The following DSCAML1 variants were observed in gnomAD, a reference collection of about 807,000 sequenced individuals.
The protein encoded by DSCAML1 is cell adhesion molecule DSCAML1.
In DSCAML1, 38 loss-of-function variants were observed where a neutral mutation model predicts 200.5. The ratio of observed to expected loss-of-function variants is 0.19; its 90% CI spans 0.15 to 0.25. The LOEUF (loss-of-function observed/expected upper bound fraction) is 0.25. Among genes scored for constraint, DSCAML1 ranks in the 10% least tolerant of loss-of-function variants. The pLI, the probability that DSCAML1 is intolerant of heterozygous loss-of-function variation, is 1.00. For missense variants in DSCAML1, 2,223 were observed against 2,858.8 expected, an observed-to-expected ratio of 0.78 and a Z score of 5.07; for synonymous variants, 1,215 against 1,165.0, an observed-to-expected ratio of 1.04 and a Z score of -0.87.
rs79107759 is a variant in DSCAML1, at chr11:117,732,855, G to C, written c.511+43936C>G. On this transcript the variant is annotated intron_variant, in intron 3 of 32. Coordinates refer to ENST00000651296, the MANE Select transcript of DSCAML1 (RefSeq NM_020693.4). Reference sequence around the variant, plus strand: ...TATGCATGACTAACTCGGGAGGAGGGCCACACTTTCTTTTTCCAGATCCTA... The same window carrying C: ...TATGCATGACTAACTCGGGAGGAGGCCCACACTTTCTTTTTCCAGATCCTA... 2.6e-5 allele frequency among the ~76,000 whole-genome samples: 4 copies of C among 151,816 alleles called. No individual in the cohort carries two copies. In the South Asian group the frequency reaches 8.3e-4, roughly 32 times the overall value.
chr11:117,564,638 T>A (rs1333607510), intron 3 of DSCAML1, among the ~76,000 whole-genome samples: 2 of 152,026 alleles, frequency 1.3e-5, no homozygotes, highest in Non-Finnish European at 2.9e-5. Flanking sequence ...AACCTCTCTC[T>A]CTCTCTTTCT....
At chr11:117,577,437 T>TTTCGTTCG (rs1565801414) in intron 3 of DSCAML1, among the ~76,000 whole-genome samples, 1 of 73,844 alleles carries the variant, frequency 1.4e-5, no homozygotes. Flanking sequence ...TCCTTCCTTC[T>TTTCGTTCG]TTCCTTCCTT....
intron 3 of DSCAML1, among the ~76,000 whole-genome samples, chr11:117,542,356 A>AAC (rs1565777354): frequency 0.092 from 13,746 of 148,794 alleles, 774 homozygotes; most frequent in East Asian, 0.12. Context: ...ACAACAACAA[A>AAC]AAAAAAACAG....
At chr11:117,502,407 T>C (rs2049412740) in intron 11 of DSCAML1, among the ~76,000 whole-genome samples, 1 of 152,194 alleles carries the variant, frequency 6.6e-6, no homozygotes. Flanking sequence ...TTCCCCCGCC[T>C]CGCGCAGCCA....
At chr11:117,787,247 C>T (rs549743506) in intron 1 of DSCAML1, among the ~76,000 whole-genome samples, 3 of 152,098 alleles carry the variant, frequency 2.0e-5, no homozygotes, top group Non-Finnish European at 4.4e-5. Context: ...TATGGTTGGA[C>T]GAGTTAATAT....
At chr11:117,462,880 T>G (rs943261414) in intron 17 of DSCAML1, among the ~76,000 whole-genome samples, 1 of 152,216 alleles carries the variant, frequency 6.6e-6, no homozygotes, top group African/African-American at 2.4e-5. Flanking sequence ...CTGGAAACTT[T>G]CTTCTCCCCT....
chr11:117,794,844 T>C (rs553950282), intron 1 of DSCAML1, among the ~76,000 whole-genome samples: 1 of 152,162 alleles, frequency 6.6e-6, no homozygotes, highest in African/African-American at 2.4e-5. Flanking sequence ...AAGAAAAGCC[T>C]GTCTGGCGAG....
chr11:117,532,391 G>C lies in DSCAML1; in HGVS notation c.643C>G (p.Arg215Gly). ...TCTCCCCTACCTGTCACAGAGAGGC[G>C]TGCCCCATTGCTCTGCCGGGTCTCC... ...SGETRQSNGA[R>G]LSVTDPAESI... The change falls in exon 4 of 33, where the codon CGC becomes GGC. Residue 215 changes from arginine (R) to glycine (G), a missense_variant. By Grantham distance (125) the Arg-to-Gly change is moderately radical (BLOSUM62 -2). Coordinates refer to ENST00000651296, the MANE Select transcript of DSCAML1 (RefSeq NM_020693.4). The C allele has an allele frequency of 1.2e-6, 2 of 1,613,870 alleles. No individual in the cohort carries two copies. Among genetic ancestry groups the C allele is most frequent in the Non-Finnish European group, 1.7e-6 (2 of 1,179,878 alleles).
intron 1 of DSCAML1, among the ~76,000 whole-genome samples, chr11:117,784,682 T>C (rs1186048808): frequency 6.6e-6 from 1 of 152,170 alleles, no homozygotes; most frequent in East Asian, 1.9e-4. Context: ...CCCAGACCCC[T>C]GCCTTGAAGT....
At chr11:117,718,608 C>T (rs2137788661) in intron 3 of DSCAML1, among the ~76,000 whole-genome samples, 1 of 148,354 alleles carries the variant, frequency 6.7e-6, no homozygotes, top group African/African-American at 2.5e-5. Context: ...AGGTGTATGA[C>T]CAAATATCGC....
chr11:117,808,911 C>T (rs186853435), intron 1 of DSCAML1, among the ~76,000 whole-genome samples: 172 of 152,274 alleles, frequency 1.1e-3, no homozygotes, highest in African/African-American at 3.1e-3. Context: ...AGTTGGATAT[C>T]ACAAACCCCA....
Position 117,432,388 on chromosome 11 carries a change from G to C in DSCAML1, c.5143C>G (p.Pro1715Ala), listed in dbSNP as rs796163067. 1.2e-6 allele frequency: 2 copies of C among 1,614,124 alleles called. No individual in the cohort carries two copies. The highest frequency in any genetic ancestry group is 1.7e-6 in the Non-Finnish European group (2 of 1,180,034). Residue 1715 changes from proline to alanine, a missense_variant, in exon 30 of 33, where the codon CCC becomes GCC. By Grantham distance (27) the Pro-to-Ala change is conservative. Coordinates refer to ENST00000651296, the MANE Select transcript of DSCAML1 (RefSeq NM_020693.4). ...CGGATGTCAGACATGTCGATGAGGG[G>C]TCCTGTGCTCTGGATGAGGGTTGGG... ...HHPTLIQSTG[P>A]LIDMSDIRPG...
chr11:117,811,007 G>A (rs999120545), intron 1 of DSCAML1, among the ~76,000 whole-genome samples: 6 of 151,944 alleles, frequency 3.9e-5, no homozygotes, highest in Non-Finnish European at 7.4e-5. Context: ...CTCAGCCTCC[G>A]CTCCTCCACC....
chr11:117,551,560 G>C (rs1056883058), intron 3 of DSCAML1, among the ~76,000 whole-genome samples: 1 of 152,196 alleles, frequency 6.6e-6, no homozygotes. Flanking sequence ...AGGGTAGAAA[G>C]GGAAGGGAAG....
intron 3 of DSCAML1, among the ~76,000 whole-genome samples, chr11:117,641,058 C>CA (rs1390244859): frequency 6.6e-6 from 1 of 152,218 alleles, no homozygotes; most frequent in Non-Finnish European, 1.5e-5. Flanking sequence ...TTGCATTTTG[C>CA]AGCAAATCAG....
chr11:117,717,213 G>A lies in DSCAML1; in HGVS notation c.511+59578C>T, dbSNP rs554400520. Among the ~76,000 whole-genome samples, 28 of 152,250 alleles carry A rather than the reference G, an allele frequency of 1.8e-4. 1 individual carries two copies. In the East Asian group the frequency reaches 3.3e-3, roughly 18 times the overall value. On this transcript the variant is annotated intron_variant, in intron 3 of 32. Coordinates refer to ENST00000651296, the MANE Select transcript of DSCAML1 (RefSeq NM_020693.4). ...CGGTCACTTGGTAGGGCCCGAGAGC[G>A]GCCAAGGACACCGCCTGGGGCTCCT...
intron 17 of DSCAML1, among the ~76,000 whole-genome samples, chr11:117,464,374 C>T (rs571323872): frequency 3.3e-5 from 5 of 152,260 alleles, no homozygotes; most frequent in South Asian, 4.2e-4. Context: ...CATATTCCTG[C>T]TTCCTCCTAA....
intron 6 of DSCAML1, among the ~76,000 whole-genome samples, chr11:117,519,316 A>G (rs150307132): frequency 6.6e-6 from 1 of 152,268 alleles, no homozygotes; most frequent in Non-Finnish European, 1.5e-5. Context: ...CTGTTAGCAC[A>G]AGGCCTTAAG....
At chr11:117,713,408 G>A (rs1365783844) in intron 3 of DSCAML1, among the ~76,000 whole-genome samples, 1 of 152,080 alleles carries the variant, frequency 6.6e-6, no homozygotes, top group South Asian at 2.1e-4. Context: ...GAGCCACCAC[G>A]TCCGGCCACC....
Sources: gnomAD v4.1 joint callset for allele counts (sites outside exome capture counted in the v4.1 genomes callset) on GRCh38, gnomAD v4.1.1 for gene constraint, MANE v1.5 for transcripts, NCBI Gene and HGNC (gene_info 2026-07-23, HGNC 2026-07-21) for gene names.